The following TRPM3 variants were observed in gnomAD, a reference collection of about 807,000 sequenced individuals.
TRPM3 encodes transient receptor potential cation channel subfamily M member 3, also known as long transient receptor potential channel 3.
A neutral mutation model predicts 181.2 loss-of-function variants in TRPM3; 77 were observed. That is an observed-to-expected ratio of 0.42 (90% CI 0.35 to 0.51). The LOEUF (loss-of-function observed/expected upper bound fraction) is 0.51. Among genes scored for constraint, TRPM3 ranks in the 20% least tolerant of loss-of-function variants. The pLI is 0.01. For synonymous variants in TRPM3, 745 were observed against 796.4 expected, an observed-to-expected ratio of 0.94 and a Z score of 1.09; for missense variants, 1,759 against 2,196.7, an observed-to-expected ratio of 0.80 and a Z score of 3.98.
At chr9:70,750,244 C>G (rs994700241) in intron 8 of TRPM3, among the ~76,000 whole-genome samples, 6 of 152,062 alleles carry the variant, frequency 3.9e-5, no homozygotes, top group Non-Finnish European at 8.8e-5. Flanking sequence ...AGAATCTTTT[C>G]CCAGATGAAA....
chr9:70,671,602 A>G (rs2062949029), intron 9 of TRPM3, among the ~76,000 whole-genome samples: 1 of 152,190 alleles, frequency 6.6e-6, no homozygotes, highest in Admixed American at 6.5e-5. Context: ...ACTTGAAGTA[A>G]ACTTTATGAG....
intron 1 of TRPM3, among the ~76,000 whole-genome samples, chr9:71,261,394 C>T (rs543744478): frequency 3.3e-5 from 5 of 152,246 alleles, no homozygotes; most frequent in East Asian, 3.9e-4. Flanking sequence ...TATTCTAGTT[C>T]GCAATTCCTC....
chr9:71,160,108 G>C (rs945678116), intron 1 of TRPM3, among the ~76,000 whole-genome samples: 4 of 152,002 alleles, frequency 2.6e-5, no homozygotes, highest in Admixed American at 6.6e-5. Context: ...TGGCCTCCAT[G>C]TTATTCTTTG....
At chr9:71,350,895 G>A (rs2091587657) in intron 1 of TRPM3, among the ~76,000 whole-genome samples, 2 of 152,126 alleles carry the variant, frequency 1.3e-5, no homozygotes, top group South Asian at 4.1e-4. Context: ...TTGGGGAGGG[G>A]GCGATAGTTC....
chr9:70,636,561 G>A, intron 11 of TRPM3, among the ~76,000 whole-genome samples: 1 of 152,126 alleles, frequency 6.6e-6, no homozygotes, highest in East Asian at 1.9e-4. Context: ...TTTAATCTAA[G>A]TATGTCCCAT....
chr9:70,614,432 G>T (rs542389060), intron 18 of TRPM3, among the ~76,000 whole-genome samples: 3 of 152,022 alleles, frequency 2.0e-5, no homozygotes, highest in East Asian at 3.9e-4. Context: ...TCCCATTGAG[G>T]TTACAATGAG....
At chr9:71,195,096 T>C (rs1420483209) in intron 1 of TRPM3, among the ~76,000 whole-genome samples, 2 of 151,922 alleles carry the variant, frequency 1.3e-5, no homozygotes, top group African/African-American at 4.8e-5. Flanking sequence ...ACATAGGAAT[T>C]GGTATAAGTT....
chr9:70,955,088 T>C (rs920309811), intron 1 of TRPM3, among the ~76,000 whole-genome samples: 12 of 152,110 alleles, frequency 7.9e-5, no homozygotes, highest in Admixed American at 5.9e-4. Context: ...AGCATTTTTT[T>C]CCCCGACCTT....
intron 1 of TRPM3, among the ~76,000 whole-genome samples, chr9:71,372,022 C>G (rs2092531673): frequency 6.6e-6 from 1 of 152,090 alleles, no homozygotes; most frequent in African/African-American, 2.4e-5. Context: ...TGTTCCCTGC[C>G]ATGTGTCCAT....
At chr9:71,302,907 AT>A (rs540858072) in intron 1 of TRPM3, among the ~76,000 whole-genome samples, 35 of 152,158 alleles carry the variant, frequency 2.3e-4, no homozygotes, top group Non-Finnish European at 4.0e-4. Context: ...GCATAGTGCT[AT>A]GTCACTGAGA....
intron 1 of TRPM3, among the ~76,000 whole-genome samples, chr9:71,159,214 C>A (rs566686548): frequency 8.6e-5 from 13 of 151,364 alleles, no homozygotes; most frequent in Non-Finnish European, 1.6e-4. Flanking sequence ...TGGTTCTAAT[C>A]GGTTCTTTGG....
chr9:71,022,872 T>C (rs116997535), intron 1 of TRPM3, among the ~76,000 whole-genome samples: 2,580 of 152,060 alleles, frequency 0.017, 41 homozygotes, highest in South Asian at 0.035. Context: ...TACAGATATA[T>C]ATGTAAAATT....
Position 70,553,301 on chromosome 9 carries a change from C to T in TRPM3, c.3233G>A (p.Gly1078Glu). 2 of 1,613,998 alleles carry T rather than the reference C, an allele frequency of 1.2e-6. No individual in the cohort carries two copies. The highest frequency in any genetic ancestry group is 1.1e-5 in the South Asian group (1 of 91,064). Residue 1078 changes from glycine (G) to glutamate (E), a missense_variant, in exon 23 of 26, where the codon GGA becomes GAA. Transcript: ENST00000677713. Reference protein sequence around the residue: ...VFADQIDPPCGQNETREDGKI... With the variant: ...VFADQIDPPCEQNETREDGKI... ...ACCATCCTCTCGGGTCTCATTCTGT[C>T]CACAGGGAGCTGGAGGGAGCAACAC...
rs1303248372 is a variant in TRPM3 at position 70,841,467 on chromosome 9, T to C, written c.801+1536A>G. Reference sequence around the variant, plus strand: ...TTATCACTTAAAACAAAGGTTCTAATGGATTTAAAGTGTTTTTTTATTAAG... The same window carrying C: ...TTATCACTTAAAACAAAGGTTCTAACGGATTTAAAGTGTTTTTTTATTAAG... On this transcript the variant is annotated intron_variant, in intron 5 of 25. Transcript: ENST00000677713. Among the ~76,000 whole-genome samples the C allele has an allele frequency of 7.3e-5, 9 of 122,658 alleles. No individual in the cohort carries two copies. The Admixed American group carries it at 7.7e-4, about 11-fold the overall frequency. 80.5% of individuals were successfully genotyped at this position (122,658 alleles called of 152,430 possible).
intron 1 of TRPM3, among the ~76,000 whole-genome samples, chr9:70,873,444 T>C (rs1023989943): frequency 6.6e-6 from 1 of 151,994 alleles, no homozygotes; most frequent in Non-Finnish European, 1.5e-5. Context: ...TCTGGAAGTA[T>C]CTTTCTTCAA....
chr9:70,683,633 A>G (rs1291273910), intron 8 of TRPM3, among the ~76,000 whole-genome samples: 2 of 151,806 alleles, frequency 1.3e-5, no homozygotes, highest in Non-Finnish European at 2.9e-5. Context: ...CATAGGTTAT[A>G]GTTGTGATCT....
At chr9:71,100,345 GA>G (rs1240167548) in intron 1 of TRPM3, among the ~76,000 whole-genome samples, 3 of 151,988 alleles carry the variant, frequency 2.0e-5, no homozygotes, top group African/African-American at 4.8e-5. Flanking sequence ...AGAAACCATT[GA>G]AAAATTAGAA....
chr9:70,763,331 G>A (rs1402465674), intron 7 of TRPM3, among the ~76,000 whole-genome samples: 1 of 152,116 alleles, frequency 6.6e-6, no homozygotes, highest in African/African-American at 2.4e-5. Context: ...GCAATACAGT[G>A]AGACTTTGTC....
At chr9:71,055,558 A>T (rs1039451144) in intron 1 of TRPM3, among the ~76,000 whole-genome samples, 4 of 152,042 alleles carry the variant, frequency 2.6e-5, no homozygotes, top group African/African-American at 9.7e-5. Flanking sequence ...CTTATATTCA[A>T]TTGGAACATT....
Sources: gnomAD v4.1 joint callset for allele counts (sites outside exome capture counted in the v4.1 genomes callset) on GRCh38, gnomAD v4.1.1 for gene constraint, MANE v1.5 for transcripts, NCBI Gene and HGNC (gene_info 2026-07-23, HGNC 2026-07-21) for gene names.